Variants in SATB2 observed in about 807,000 individuals in gnomAD.
SATB2 encodes DNA-binding protein SATB2.
In SATB2, 1 loss-of-function variant was observed where a neutral mutation model predicts 73.4. That is an observed-to-expected ratio of 0.01 (90% CI 0.00 to 0.06). The LOEUF (loss-of-function observed/expected upper bound fraction) is 0.06. SATB2 is among the 10% of genes least tolerant of loss of function. SATB2 has a pLI of 1.00. For synonymous variants in SATB2, 397 were observed against 367.0 expected (o/e 1.08, Z -0.93); for missense variants, 459 against 945.8 (o/e 0.49, Z 6.75).
At chr2:199,280,689 G>A (rs900311571) in intron 10 of SATB2, among the ~76,000 whole-genome samples, 2 of 152,120 alleles carry the variant, frequency 1.3e-5, no homozygotes, top group Non-Finnish European at 2.9e-5. Flanking sequence ...ATTAGGACGA[G>A]GAAATTCCCG....
intron 6 of SATB2, 104 bp downstream of exon 6, chr2:199,368,501 A>C: frequency 1.4e-6 from 1 of 740,694 alleles, no homozygotes; most frequent in East Asian, 2.7e-5. Context: ...TTTGTAAAAA[A>C]ATTACGTAAA....
At chr2:199,398,483 T>A (rs943083635) in intron 3 of SATB2, among the ~76,000 whole-genome samples, 1 of 152,204 alleles carries the variant, frequency 6.6e-6, no homozygotes, top group Non-Finnish European at 1.5e-5. Context: ...TATAGGGTCC[T>A]GGGTGGAGAA....
chr2:199,453,173 C>T (rs1692179401), intron 2 of SATB2, among the ~76,000 whole-genome samples: 1 of 152,102 alleles, frequency 6.6e-6, no homozygotes, highest in Non-Finnish European at 1.5e-5. Context: ...TATATTTAAA[C>T]TATATTTACC....
chr2:199,302,723 T>C (rs560518165), intron 10 of SATB2, among the ~76,000 whole-genome samples: 1 of 152,286 alleles, frequency 6.6e-6, no homozygotes, highest in African/African-American at 2.4e-5. Flanking sequence ...ATGGATTAAT[T>C]AGTTTATTTG....
chr2:199,403,301 G>T (rs1690535912), intron 3 of SATB2, among the ~76,000 whole-genome samples: 1 of 151,878 alleles, frequency 6.6e-6, no homozygotes, highest in African/African-American at 2.4e-5. Flanking sequence ...GTAATATTAA[G>T]TGAAAAACTT....
chr2:199,336,680 G>A (rs1405648365), intron 7 of SATB2, among the ~76,000 whole-genome samples: 1 of 152,142 alleles, frequency 6.6e-6, no homozygotes, highest in Non-Finnish European at 1.5e-5. Context: ...CATGGGACAC[G>A]TCACAGTCCT....
Position 199,456,063 on chromosome 2 carries a change from C to G in SATB2, c.-26G>C. The G allele has an allele frequency of 6.5e-7, 1 of 1,543,730 alleles. No homozygotes were observed. Among genetic ancestry groups the G allele is most frequent in the East Asian group, 2.4e-5 (1 of 41,424 alleles). On this transcript the variant is annotated 5_prime_UTR_variant, in exon 2 of 11. Transcript: ENST00000417098. ...GCTGCTCCGACTCGGAGACAAAGTT[C>G]CCACCGGCAGGTCGCAATAAAACGC...
intron 6 of SATB2, among the ~76,000 whole-genome samples, chr2:199,365,648 A>T (rs559063530): frequency 3.7e-4 from 56 of 152,290 alleles, no homozygotes; most frequent in South Asian, 1.5e-3. Flanking sequence ...CAAAAAATGC[A>T]CATTAAAATG....
At chr2:199,446,279 G>C (rs1278679876) in intron 2 of SATB2, among the ~76,000 whole-genome samples, 1 of 152,080 alleles carries the variant, frequency 6.6e-6, no homozygotes, top group African/African-American at 2.4e-5. Flanking sequence ...GGACAGAAAA[G>C]AAAAATATTT....
chr2:199,381,357 T>C (rs1689768796), intron 4 of SATB2, among the ~76,000 whole-genome samples: 1 of 152,180 alleles, frequency 6.6e-6, no homozygotes, highest in Non-Finnish European at 1.5e-5. Flanking sequence ...AAATACTATG[T>C]GCTACACATT....
chr2:199,381,135 C>T (rs891592548), intron 4 of SATB2, among the ~76,000 whole-genome samples: 1 of 152,142 alleles, frequency 6.6e-6, no homozygotes, highest in Admixed American at 6.6e-5. Context: ...GTTCCAGATG[C>T]CATATTTGAA....
chr2:199,361,000 T>A (rs998353488), intron 6 of SATB2, among the ~76,000 whole-genome samples: 1 of 152,108 alleles, frequency 6.6e-6, no homozygotes. Flanking sequence ...TCTAGCTGCA[T>A]CTTCTTAACT....
At chr2:199,462,752 T>C (rs919608037), upstream of SATB2, among the ~76,000 whole-genome samples, 1 of 152,034 alleles carries the variant, frequency 6.6e-6, no homozygotes, top group Non-Finnish European at 1.5e-5. The surrounding 1 kb of genome is among the most constrained non-coding windows in gnomAD (Gnocchi z 5.9). Flanking sequence ...AATGAGCCCC[T>C]GCGGCCCGAG....
At chr2:199,339,252 G>T (rs1281613801) in intron 7 of SATB2, among the ~76,000 whole-genome samples, 1 of 152,072 alleles carries the variant, frequency 6.6e-6, no homozygotes, top group Non-Finnish European at 1.5e-5. Flanking sequence ...TGTGCAAGGG[G>T]AACTAAAGGG....
intron 2 of SATB2, among the ~76,000 whole-genome samples, chr2:199,438,356 A>C (rs563176484): frequency 6.6e-6 from 1 of 152,294 alleles, no homozygotes; most frequent in African/African-American, 2.4e-5. Flanking sequence ...CTAGGCCAAT[A>C]GTGTGACTGT....
chr2:199,350,213 A>C (rs1243749895), intron 6 of SATB2, among the ~76,000 whole-genome samples: 2 of 152,212 alleles, frequency 1.3e-5, no homozygotes, highest in Non-Finnish European at 2.9e-5. Context: ...AGTCCATTAA[A>C]GATAACTTTA....
At chr2:199,317,569 G>A (rs531083593) in intron 9 of SATB2, among the ~76,000 whole-genome samples, 19 of 151,988 alleles carry the variant, frequency 1.3e-4, no homozygotes, top group Non-Finnish European at 2.1e-4. Flanking sequence ...TTTAAGAACT[G>A]CATATGTAGT....
At chr2:199,432,249 A>G (rs1691525494) in intron 3 of SATB2, among the ~76,000 whole-genome samples, 1 of 152,202 alleles carries the variant, frequency 6.6e-6, no homozygotes, top group African/African-American at 2.4e-5. Flanking sequence ...CTAAAGTATA[A>G]CTTAAATACT....
intron 3 of SATB2, among the ~76,000 whole-genome samples, chr2:199,421,339 A>C (rs1172509932): frequency 6.6e-6 from 1 of 152,158 alleles, no homozygotes; most frequent in Non-Finnish European, 1.5e-5. Flanking sequence ...AAACAAACAA[A>C]AAGGATTACA....
Sources: gnomAD v4.1 joint callset for allele counts (sites outside exome capture counted in the v4.1 genomes callset) on GRCh38, gnomAD v4.1.1 for gene constraint, Gnocchi (gnomAD v3.1) non-coding constraint, MANE v1.5 for transcripts, NCBI Gene and HGNC (gene_info 2026-07-23, HGNC 2026-07-21) for gene names.